APC: variants seen among roughly 807,000 people sequenced by gnomAD.
APC encodes the protein adenomatous polyposis coli protein.
Under a neutral mutation model 247.0 loss-of-function variants are expected in APC, and 72 were observed. The ratio of observed to expected loss-of-function variants is 0.29; its 90% CI spans 0.24 to 0.35. APC has a LOEUF of 0.35. Among genes scored for constraint, APC ranks in the 10% least tolerant of loss-of-function variants. APC has a pLI of 1.00. For missense variants in APC, 3,400 were observed against 3,360.7 expected (o/e 1.01, Z -0.29); for synonymous variants, 1,254 against 1,162.5 (o/e 1.08, Z -1.60).
At chr5:112,818,855 G>GGGGTGTTTTTTTTTTT in intron 9 of APC, 111 bp from the exon 10 acceptor site, 1 of 1,118,294 alleles carries the variant, frequency 8.9e-7, no homozygotes, top group Non-Finnish European at 1.3e-6. Flanking sequence ...GGCGGGGGGG[G>GGGGTGTTTTTTTTTTT]TTGTTTTGTT....
At chr5:112,805,663 A>G (rs927804699) in intron 8 of APC, among the ~76,000 whole-genome samples, 1 of 152,200 alleles carries the variant, frequency 6.6e-6, no homozygotes, top group African/African-American at 2.4e-5. Context: ...GGATCTATAC[A>G]CATGATCGCC....
At chr5:112,716,112 GCTT>G (rs1385491425) in intron 1 of APC, among the ~76,000 whole-genome samples, 8 of 151,914 alleles carry the variant, frequency 5.3e-5, no homozygotes, top group Non-Finnish European at 8.8e-5. Context: ...GTTAATTTCT[GCTT>G]CTTATTTCCT....
intron 1 of APC, among the ~76,000 whole-genome samples, chr5:112,708,048 C>T (rs1750629513): frequency 1.3e-5 from 2 of 152,180 alleles, no homozygotes; most frequent in African/African-American, 4.8e-5. Flanking sequence ...TCCAGTTGGC[C>T]CCTGGCTTTG....
At chr5:112,726,582 T>C (rs1190846910) in intron 1 of APC, among the ~76,000 whole-genome samples, 1 of 152,078 alleles carries the variant, frequency 6.6e-6, no homozygotes, top group East Asian at 1.9e-4. Flanking sequence ...AAGGCATCTT[T>C]TGGGTGCAAA....
chr5:112,819,477 C>A, intron 10 of APC, 133 bp downstream of exon 10: 1 of 1,201,094 alleles, frequency 8.3e-7, no homozygotes, highest in Non-Finnish European at 1.2e-6. Context: ...ATTTGTGCTA[C>A]TCATATTTAA....
At chr5:112,733,638 G>C (rs879436027), upstream of APC, among the ~76,000 whole-genome samples, 1 of 152,186 alleles carries the variant, frequency 6.6e-6, no homozygotes, top group Non-Finnish European at 1.5e-5. Context: ...CTTGGTTTTA[G>C]CCTAGTGAGA....
At chr5:112,748,188 A>C (rs1241137406) in intron 1 of APC, among the ~76,000 whole-genome samples, 5 of 152,316 alleles carry the variant, frequency 3.3e-5, no homozygotes, top group Middle Eastern at 3.4e-3. Flanking sequence ...AGTGTTATGT[A>C]GCTATTTACA....
intron 1 of APC, among the ~76,000 whole-genome samples, chr5:112,726,827 GT>G (rs1751807926): frequency 6.6e-6 from 1 of 152,158 alleles, no homozygotes; most frequent in African/African-American, 2.4e-5. Context: ...GGGAGGGAAA[GT>G]TTAAAAAGAC....
chr5:112,735,836 G>A (rs58625991), upstream of APC, among the ~76,000 whole-genome samples: 4,502 of 152,094 alleles, frequency 0.03, 170 homozygotes, highest in East Asian at 0.13. Context: ...AACATATAAT[G>A]GTCGTAGCTT....
chr5:112,776,665 C>CTT (rs1757683503), intron 5 of APC, among the ~76,000 whole-genome samples: 2 of 152,104 alleles, frequency 1.3e-5, no homozygotes, highest in Non-Finnish European at 2.9e-5. Flanking sequence ...TGGTGAAACT[C>CTT]TGTCTCTACT....
intron 8 of APC, among the ~76,000 whole-genome samples, chr5:112,812,213 G>A (rs540498344): frequency 6.6e-5 from 10 of 152,134 alleles, no homozygotes; most frequent in Admixed American, 4.6e-4. Flanking sequence ...ACAAAAACGC[G>A]TGAATACCAG....
At chr5:112,761,414 T>G (rs1225860197) in intron 2 of APC, among the ~76,000 whole-genome samples, 2 of 152,024 alleles carry the variant, frequency 1.3e-5, no homozygotes, top group East Asian at 3.9e-4. Context: ...GATAGAAAAT[T>G]TTGACAGAGA....
chr5:112,726,442 C>T (rs530787879), intron 1 of APC, among the ~76,000 whole-genome samples: 3 of 152,306 alleles, frequency 2.0e-5, no homozygotes, highest in South Asian at 4.1e-4. Context: ...CTCCTCTCGG[C>T]GTTCAAACAT....
intron 8 of APC, 86 bp from the exon 9 acceptor site, chr5:112,815,409 C>A: frequency 2.2e-6 from 2 of 918,556 alleles, no homozygotes; most frequent in Non-Finnish European, 3.6e-6. Flanking sequence ...ATCATACAGA[C>A]ACTTCATTTG....
intron 4 of APC, among the ~76,000 whole-genome samples, chr5:112,770,288 C>G (rs997576124): frequency 4.6e-5 from 7 of 152,004 alleles, no homozygotes; most frequent in Admixed American, 1.3e-4. Flanking sequence ...AAGCTTATTT[C>G]TCTGTTCAAA....
intron 8 of APC, among the ~76,000 whole-genome samples, chr5:112,811,040 A>AC (rs1561529360): frequency 1.3e-5 from 2 of 150,442 alleles, no homozygotes; most frequent in African/African-American, 5.0e-5. Context: ...CACACACACA[A>AC]AAAAAGAACC....
At chr5:112,785,340 A>T (rs1758819411) in intron 6 of APC, among the ~76,000 whole-genome samples, 1 of 152,170 alleles carries the variant, frequency 6.6e-6, no homozygotes, top group African/African-American at 2.4e-5. Context: ...AGGTAACTCA[A>T]GTTAAGATAC....
At chr5:112,829,031 G>A (rs533452469) in intron 14 of APC, 59 bp downstream of exon 14, 8 of 1,181,006 alleles carry the variant, frequency 6.8e-6, no homozygotes, top group Non-Finnish European at 3.8e-6. Context: ...TTTTTTTGCT[G>A]CCTTCTTTTA....
At chr5:112,748,712 G>C (rs375569454) in intron 1 of APC, among the ~76,000 whole-genome samples, 1 of 151,992 alleles carries the variant, frequency 6.6e-6, no homozygotes, top group Non-Finnish European at 1.5e-5. Flanking sequence ...CCAGCTACTC[G>C]GGAGGCTGAG....
Sources: gnomAD v4.1 joint callset for allele counts (sites outside exome capture counted in the v4.1 genomes callset) on GRCh38, gnomAD v4.1.1 for gene constraint, MANE v1.5 for transcripts, NCBI Gene and HGNC (gene_info 2026-07-23, HGNC 2026-07-21) for gene names.